F13A1: variants seen among roughly 807,000 people sequenced by gnomAD.
The protein encoded by F13A1 is coagulation factor XIII A chain, also known as FSF, A subunit.
F13A1 carries 47 observed loss-of-function variants against 80.1 expected under a neutral mutation model. The ratio of observed to expected loss-of-function variants is 0.59; its 90% CI spans 0.46 to 0.75. F13A1 has a LOEUF of 0.75. Ranked by LOEUF, F13A1 falls within the 30% of genes least tolerant of loss-of-function variation. The pLI is 0.00. For missense variants in F13A1, 817 were observed against 930.4 expected, an observed-to-expected ratio of 0.88 and a Z score of 1.59; for synonymous variants, 349 against 344.9, an observed-to-expected ratio of 1.01 and a Z score of -0.13.
At chr6:6,193,663 T>C (rs1761240765) in intron 10 of F13A1, among the ~76,000 whole-genome samples, 1 of 152,218 alleles carries the variant, frequency 6.6e-6, no homozygotes, top group Non-Finnish European at 1.5e-5. Context: ...CCGATCTATA[T>C]TTAATAATAG....
intron 8 of F13A1, among the ~76,000 whole-genome samples, chr6:6,213,366 G>A (rs1335995161): frequency 6.6e-6 from 1 of 152,054 alleles, no homozygotes; most frequent in Non-Finnish European, 1.5e-5. Context: ...GAGAGTGGGG[G>A]CCAATATTCA....
At chr6:6,287,349 T>C (rs1197456011) in intron 3 of F13A1, among the ~76,000 whole-genome samples, 1 of 152,160 alleles carries the variant, frequency 6.6e-6, no homozygotes, top group Non-Finnish European at 1.5e-5. Flanking sequence ...TCTGGTGGAG[T>C]ACAGTTTCAA....
At chr6:6,253,108 A>G (rs930620157) in intron 4 of F13A1, among the ~76,000 whole-genome samples, 1 of 139,340 alleles carries the variant, frequency 7.2e-6, no homozygotes, top group Non-Finnish European at 1.5e-5. Flanking sequence ...GCACTACTGC[A>G]CTCCAGGCTG....
chr6:6,286,646 C>G (rs923955525), intron 3 of F13A1, among the ~76,000 whole-genome samples: 4 of 152,112 alleles, frequency 2.6e-5, no homozygotes, highest in African/African-American at 9.7e-5. Flanking sequence ...CATTTGCTGC[C>G]ACTAACACCT....
intron 3 of F13A1, among the ~76,000 whole-genome samples, chr6:6,295,334 T>C (rs1286009296): frequency 1.3e-5 from 2 of 148,292 alleles, no homozygotes; most frequent in Non-Finnish European, 2.9e-5. Context: ...ACTTCCACAA[T>C]GGTTGAACTA....
intron 2 of F13A1, among the ~76,000 whole-genome samples, chr6:6,307,210 T>A (rs17378819): frequency 6.6e-6 from 1 of 152,000 alleles, no homozygotes; most frequent in Non-Finnish European, 1.5e-5. Flanking sequence ...GTGACAGCCA[T>A]TTCACAGGGC....
chr6:6,246,562 T>G (rs1054965322), intron 6 of F13A1, among the ~76,000 whole-genome samples: 6 of 152,216 alleles, frequency 3.9e-5, no homozygotes, highest in Non-Finnish European at 7.3e-5. Flanking sequence ...TTTTAAATCT[T>G]TTAATTGGGA....
At chr6:6,299,011 T>C (rs1046882241) in intron 3 of F13A1, among the ~76,000 whole-genome samples, 1 of 147,862 alleles carries the variant, frequency 6.8e-6, no homozygotes, top group African/African-American at 2.6e-5. Context: ...CTTATGAAGC[T>C]TAGTTTGGCT....
intron 13 of F13A1, among the ~76,000 whole-genome samples, chr6:6,161,551 T>TGTGTGTGTGTGTGTGAGAGA (rs1010361754): frequency 4.8e-5 from 7 of 146,278 alleles, no homozygotes; most frequent in African/African-American, 1.8e-4. Flanking sequence ...TGTGTGTGTG[T>TGTGTGTGTGTGTGTGAGAGA]GAGAGAGAGA....
chr6:6,267,436 A>G lies in F13A1; in HGVS notation c.320-627T>C, dbSNP rs1757860412. ...CCTCCATAAACCCACCTGCATAAGC[A>G]TGTTTGTTCCAGAGGCACCCATCTC... On this transcript the variant is annotated intron_variant, in intron 3 of 14. Transcript: ENST00000264870. 2.0e-5 allele frequency among the ~76,000 whole-genome samples: 3 copies of G among 152,308 alleles called. No individual in the cohort carries two copies. In the South Asian group the frequency reaches 6.2e-4, roughly 32 times the overall value.
intron 3 of F13A1, among the ~76,000 whole-genome samples, chr6:6,275,112 A>G (rs1757970184): frequency 6.6e-6 from 1 of 151,980 alleles, no homozygotes; most frequent in Admixed American, 6.6e-5. Context: ...AAATGGTTTG[A>G]GAGGGACAAG....
intron 8 of F13A1, among the ~76,000 whole-genome samples, chr6:6,201,238 C>T (rs955394565): frequency 6.6e-6 from 1 of 152,222 alleles, no homozygotes; most frequent in African/African-American, 2.4e-5. Context: ...TATTTCTTTT[C>T]AAATGACCAG....
intron 8 of F13A1, among the ~76,000 whole-genome samples, chr6:6,210,930 C>T (rs776685551): frequency 2.0e-5 from 3 of 151,796 alleles, no homozygotes; most frequent in African/African-American, 7.3e-5. Flanking sequence ...AGGTTATCAC[C>T]GTGTTGGTCA....
At chr6:6,271,902 C>A (rs986042606) in intron 3 of F13A1, among the ~76,000 whole-genome samples, 1 of 152,254 alleles carries the variant, frequency 6.6e-6, no homozygotes, top group Non-Finnish European at 1.5e-5. Flanking sequence ...CTTAATCCCC[C>A]CAGCTGGGAT....
At chr6:6,227,858 C>T (rs1757298797) in intron 6 of F13A1, among the ~76,000 whole-genome samples, 1 of 152,202 alleles carries the variant, frequency 6.6e-6, no homozygotes, top group Non-Finnish European at 1.5e-5. Flanking sequence ...AGCTGTTCCC[C>T]TGTTGCTAGA....
intron 2 of F13A1, among the ~76,000 whole-genome samples, chr6:6,311,614 T>C (rs74727260): frequency 1.0e-4 from 14 of 138,956 alleles, no homozygotes; most frequent in East Asian, 2.0e-4. Flanking sequence ...TATATGTTTA[T>C]ATATAATATA....
chr6:6,298,015 C>A (rs1295436755), intron 3 of F13A1, among the ~76,000 whole-genome samples: 1 of 151,088 alleles, frequency 6.6e-6, no homozygotes, highest in East Asian at 1.9e-4. Context: ...ATCCAGTAGT[C>A]ATTCAGGGGC....
At chr6:6,195,543 A>G (rs1022298674) in intron 10 of F13A1, among the ~76,000 whole-genome samples, 1 of 152,224 alleles carries the variant, frequency 6.6e-6, no homozygotes, top group African/African-American at 2.4e-5. Flanking sequence ...GGGTGCAGAG[A>G]ACTAAGCTAA....
intron 6 of F13A1, among the ~76,000 whole-genome samples, chr6:6,227,825 A>G (rs1309296950): frequency 6.6e-6 from 1 of 152,342 alleles, no homozygotes; most frequent in East Asian, 1.9e-4. Flanking sequence ...TGTCCTCTAC[A>G]GACCTTTTAA....
Sources: gnomAD v4.1 joint callset for allele counts (sites outside exome capture counted in the v4.1 genomes callset) on GRCh38, gnomAD v4.1.1 for gene constraint, MANE v1.5 for transcripts, NCBI Gene and HGNC (gene_info 2026-07-23, HGNC 2026-07-21) for gene names.